ST8SIA3: variants seen among roughly 807,000 people sequenced by gnomAD.
ST8SIA3 encodes the protein alpha-N-acetylneuraminate alpha-2,8-sialyltransferase ST8SIA3.
A neutral mutation model predicts 34.5 loss-of-function variants in ST8SIA3; 17 were observed. That is an observed-to-expected ratio of 0.49 (90% CI 0.34 to 0.74). The LOEUF (loss-of-function observed/expected upper bound fraction) is 0.74. ST8SIA3 is among the 30% of genes least tolerant of loss of function. The probability of loss-of-function intolerance (pLI) is 0.01; values close to 1 mark genes in which losing one functional copy is unlikely to be tolerated. For missense variants in ST8SIA3, 354 were observed against 467.8 expected (o/e 0.76, Z 2.24); for synonymous variants, 172 against 176.1 (o/e 0.98, Z 0.19).
At chr18:57,358,900 A>T (rs2144204794) in intron 3 of ST8SIA3, among the ~76,000 whole-genome samples, 1 of 152,332 alleles carries the variant, frequency 6.6e-6, no homozygotes, top group Non-Finnish European at 1.5e-5. Context: ...TGTCAGAGTC[A>T]TTCTAGTTCC....
intron 1 of ST8SIA3, among the ~76,000 whole-genome samples, 165 bp from the exon 2 acceptor site, chr18:57,354,237 G>GGT (rs1054550526): frequency 1.3e-5 from 2 of 152,158 alleles, no homozygotes; most frequent in African/African-American, 4.8e-5. Context: ...TTTTCTCTCG[G>GGT]GTGTGTGTGG....
Position 57,364,146 on chromosome 18 carries a change from C to T in ST8SIA3, c.*3869C>T, listed in dbSNP as rs979722927. ...CTTCTCCCTGAGATGAAACAAAACACGCTTGGTAAATCATGATTTGATAAA... is the reference window on the plus strand; with the variant it reads ...CTTCTCCCTGAGATGAAACAAAACATGCTTGGTAAATCATGATTTGATAAA... On this transcript the variant is annotated 3_prime_UTR_variant, in exon 4 of 4. Transcript: ENST00000324000. 10 of 152,168 alleles carry T rather than the reference C, an allele frequency of 6.6e-5. No individual in the cohort carries two copies. The highest frequency in any genetic ancestry group is 2.2e-4 in the African/African-American group (9 of 41,442). 9.4% of individuals were successfully genotyped at this position (152,168 alleles called of 1,614,324 possible). A position where few individuals can be genotyped will look rare whatever the true frequency, so the allele number is the denominator to read the frequency against.
chr18:57,356,601 T>C (rs1262922587), intron 2 of ST8SIA3, among the ~76,000 whole-genome samples: 1 of 152,182 alleles, frequency 6.6e-6, no homozygotes, highest in Non-Finnish European at 1.5e-5. Context: ...TCTGACACAA[T>C]TTGCCCTATA....
chr18:57,358,246 T>C (rs1153631), intron 3 of ST8SIA3, among the ~76,000 whole-genome samples: 24,424 of 152,168 alleles, frequency 0.16, 2,184 homozygotes, highest in African/African-American at 0.22. Flanking sequence ...GAACCACTAG[T>C]CCAGGGCATT....
rs2049839802 is a variant in ST8SIA3 at position 57,362,901 on chromosome 18, TAGAA to T, written c.*2627_*2630del. The T allele has an allele frequency of 6.6e-6, 1 of 152,268 alleles. No individual in the cohort carries two copies. The highest frequency in any genetic ancestry group is 1.5e-5 in the Non-Finnish European group (1 of 68,074). The allele number at this position is 152,268 out of a possible 1,614,324, so 9.4% of individuals were successfully genotyped here. On this transcript the variant is annotated 3_prime_UTR_variant, in exon 4 of 4. Transcript: ENST00000324000. ...GTTGTTGTGTCCCAAGTGTCCTAAT[TAGAA>T]AGGCAGCTGGCTCTCCTGCAGCTCC...
rs1199475805 is a variant in ST8SIA3, at chr18:57,366,050, C to CT, written c.*5775dup. ...ATCTCAGCCAATTTCAGGCTACTAA[C>CT]TTAATGTCAACCAGCTGAAAACACA... On this transcript the variant is annotated 3_prime_UTR_variant, in exon 4 of 4. Coordinates refer to ENST00000324000, the MANE Select transcript of ST8SIA3 (RefSeq NM_015879.3). 1.3e-5 allele frequency: 2 copies of CT among 152,306 alleles called. No homozygotes were observed. The highest frequency in any genetic ancestry group is 2.9e-5 in the Non-Finnish European group (2 of 68,026). The allele number at this position is 152,306 out of a possible 1,614,324, so 9.4% of individuals were successfully genotyped here.
Position 57,367,186 on chromosome 18 carries a change from TATA to T in ST8SIA3, c.*6914_*6916del, listed in dbSNP as rs2049865518. On this transcript the variant is annotated 3_prime_UTR_variant, in exon 4 of 4. Transcript: ENST00000324000. Reference sequence around the variant, plus strand: ...GAAGGACCAAATCTACTTCCGTTGCTATAATAAAATACCCTACAGGTTCTGTAA... The same window carrying T: ...GAAGGACCAAATCTACTTCCGTTGCTATAAAATACCCTACAGGTTCTGTAA... The T allele has an allele frequency of 6.6e-6, 1 of 152,254 alleles. No individual in the cohort carries two copies. The highest frequency in any genetic ancestry group is 2.4e-5 in the African/African-American group (1 of 41,472). The allele number at this position is 152,254 out of a possible 1,614,324, so 9.4% of individuals were successfully genotyped here. A position where few individuals can be genotyped will look rare whatever the true frequency, so the allele number is the denominator to read the frequency against.
chr18:57,359,537 A>ACCT (rs2049817643), intron 3 of ST8SIA3, among the ~76,000 whole-genome samples: 2 of 151,888 alleles, frequency 1.3e-5, no homozygotes, highest in Admixed American at 1.3e-4. Context: ...AGATTAAATG[A>ACCT]CCTCCTTCAC....
Position 57,364,098 on chromosome 18 carries a change from A to T in ST8SIA3, c.*3821A>T, listed in dbSNP as rs1480990529. On this transcript the variant is annotated 3_prime_UTR_variant, in exon 4 of 4. Coordinates refer to ENST00000324000, the MANE Select transcript of ST8SIA3 (RefSeq NM_015879.3). ...AAGGAGATGCTTGTGTGGGTATGCA[A>T]CTGTCCACCAATTATCACCTACCTT... The T allele has an allele frequency of 6.6e-6, 1 of 152,214 alleles. No individual in the cohort carries two copies. The highest frequency in any genetic ancestry group is 1.5e-5 in the Non-Finnish European group (1 of 68,030). The allele number at this position is 152,214 out of a possible 1,614,324, so 9.4% of individuals were successfully genotyped here.
rs1258524218 is a variant in ST8SIA3 at position 57,352,730 on chromosome 18, GCTCA to G, written c.-115_-112del. On this transcript the variant is annotated 5_prime_UTR_variant, in exon 1 of 4. Transcript: ENST00000324000. ...CCCCTCCTCCGCCACACGCGCGCGC[GCTCA>G]CACACACACACACACACACACACAC... The G allele has an allele frequency of 5.6e-6, 1 of 179,724 alleles. No homozygotes were observed. The highest frequency in any genetic ancestry group is 1.0e-5 in the Non-Finnish European group (1 of 97,050). The allele number at this position is 179,724 out of a possible 1,614,324, so 11.1% of individuals were successfully genotyped here. A position where few individuals can be genotyped will look rare whatever the true frequency, so the allele number is the denominator to read the frequency against.
At chr18:57,353,421 C>T (rs2049777278) in intron 1 of ST8SIA3, among the ~76,000 whole-genome samples, 1 of 152,134 alleles carries the variant, frequency 6.6e-6, no homozygotes, top group African/African-American at 2.4e-5. Flanking sequence ...TCCGCAGACT[C>T]CGCGGGCCGG....
Position 57,354,502 on chromosome 18 carries a change from C to G in ST8SIA3, c.280C>G (p.Arg94Gly), listed in dbSNP as rs1303729686. The change falls in exon 2 of 4, where the codon CGG (arginine) becomes GGG (glycine). Residue 94 changes from arginine (R) to glycine (G), a missense_variant. By Grantham distance (125) the Arg-to-Gly change is moderately radical. Transcript: ENST00000324000. The part of the protein sequence containing the change: ...QEKPSKWKFN[R>G]TAFLHQRQEI... ...GAAACCTTCTAAGTGGAAATTTAAT[C>G]GGACAGCGTTTTTACATCAAAGGTA... 2 of 1,614,078 alleles carry G rather than the reference C, an allele frequency of 1.2e-6. No individual in the cohort carries two copies. Among genetic ancestry groups the G allele is most frequent in the South Asian group, 1.1e-5 (1 of 91,060 alleles).
Position 57,364,150 on chromosome 18 carries a change from T to G in ST8SIA3, c.*3873T>G, listed in dbSNP as rs1019402307. ...TCCCTGAGATGAAACAAAACACGCTTGGTAAATCATGATTTGATAAATAAC... is the reference window on the plus strand; with the variant it reads ...TCCCTGAGATGAAACAAAACACGCTGGGTAAATCATGATTTGATAAATAAC... On this transcript the variant is annotated 3_prime_UTR_variant, in exon 4 of 4. Transcript: ENST00000324000. 1 of 152,210 alleles carries G rather than the reference T, an allele frequency of 6.6e-6. No individual in the cohort carries two copies. The highest frequency in any genetic ancestry group is 1.5e-5 in the Non-Finnish European group (1 of 68,042). The allele number at this position is 152,210 out of a possible 1,614,324, so 9.4% of individuals were successfully genotyped here. A position where few individuals can be genotyped will look rare whatever the true frequency, so the allele number is the denominator to read the frequency against.
At position 57,367,506 on chromosome 18, in the gene ST8SIA3, T is replaced by G. The variant is rs2049867296; in HGVS notation, c.*7229T>G. ...CTACAAGCACAAGGGGCTTGACAGGTAGGCCTTGTTTTATTATGAACAAAT... is the reference window on the plus strand; with the variant it reads ...CTACAAGCACAAGGGGCTTGACAGGGAGGCCTTGTTTTATTATGAACAAAT... On this transcript the variant is annotated 3_prime_UTR_variant, in exon 4 of 4. Coordinates refer to ENST00000324000, the MANE Select transcript of ST8SIA3 (RefSeq NM_015879.3). 6.6e-6 allele frequency: 1 copy of G among 152,632 alleles called. No homozygotes were observed. The highest frequency in any genetic ancestry group is 6.5e-5 in the Admixed American group (1 of 15,276). The allele number at this position is 152,632 out of a possible 1,614,324, so 9.5% of individuals were successfully genotyped here. A position where few individuals can be genotyped will look rare whatever the true frequency, so the allele number is the denominator to read the frequency against.
rs1344787476 is a variant in ST8SIA3, at chr18:57,364,858, T to C, written c.*4581T>C. ...TATTGTATTATATATTGTCATCTTA[T>C]GCAGTATTTCTGAAAATTTATTTTT... On this transcript the variant is annotated 3_prime_UTR_variant, in exon 4 of 4. Transcript: ENST00000324000. The C allele has an allele frequency of 2.0e-5, 3 of 147,538 alleles. No individual in the cohort carries two copies. In the East Asian group the frequency reaches 5.8e-4, roughly 28 times the overall value. The allele number at this position is 147,538 out of a possible 1,614,324, so 9.1% of individuals were successfully genotyped here.
At chr18:57,359,128 G>C (rs1018547264) in intron 3 of ST8SIA3, among the ~76,000 whole-genome samples, 2 of 152,132 alleles carry the variant, frequency 1.3e-5, no homozygotes, top group African/African-American at 4.8e-5. Flanking sequence ...ATGAAAACGG[G>C]AAGGAAATAC....
Position 57,352,906 on chromosome 18 carries a change from C to T in ST8SIA3, c.60C>T (p.Val20=), listed in dbSNP as rs117278015. 3,510 of 1,613,760 alleles carry T rather than the reference C, an allele frequency of 2.2e-3. 4 individuals carry two copies. The highest frequency in any genetic ancestry group is 2.8e-3 in the Non-Finnish European group (3,287 of 1,179,970). ...TGCTGGGGCTGGTCATGCTCAGCGT[C>T]GCCCTGCTGATTTTATCGCTCATCA... is the stretch of plus-strand genomic sequence containing the variant. The part of the protein sequence containing the change: ...ASVLGLVMLS[V]ALLILSLISY... Residue 20 remains valine (V), a synonymous_variant, in exon 1 of 4, where the codon GTC becomes GTT. Transcript: ENST00000324000.
Position 57,360,217 on chromosome 18 carries a change from G to A in ST8SIA3, c.1083G>A (p.Gln361=). 1 of 1,614,084 alleles carries A rather than the reference G, an allele frequency of 6.2e-7. No homozygotes were observed. Among genetic ancestry groups the A allele is most frequent in the South Asian group, 1.1e-5 (1 of 91,082 alleles). The part of the protein sequence containing the change: ...QESHQLPAEF[Q]LLYRMHGEGL... ...CCCACCAGCTGCCTGCTGAGTTTCA[G>A]CTGCTGTACCGAATGCATGGGGAAG... The change falls in exon 4 of 4, where the codon CAG becomes CAA. Residue 361 remains glutamine (Q), a synonymous_variant. Coordinates refer to ENST00000324000, the MANE Select transcript of ST8SIA3 (RefSeq NM_015879.3).
Position 57,365,021 on chromosome 18 carries a change from G to A in ST8SIA3, c.*4744G>A, listed in dbSNP as rs961585640. 1 of 152,140 alleles carries A rather than the reference G, an allele frequency of 6.6e-6. No homozygotes were observed. The highest frequency in any genetic ancestry group is 2.4e-5 in the African/African-American group (1 of 41,426). The allele number at this position is 152,140 out of a possible 1,614,324, so 9.4% of individuals were successfully genotyped here. ...TGACTTCAGTTTAAGGTTACCCTGGGGTTCTGGGGTTAGGACCCGGATTAT... is the reference window on the plus strand; with the variant it reads ...TGACTTCAGTTTAAGGTTACCCTGGAGTTCTGGGGTTAGGACCCGGATTAT... On this transcript the variant is annotated 3_prime_UTR_variant, in exon 4 of 4. Coordinates refer to ENST00000324000, the MANE Select transcript of ST8SIA3 (RefSeq NM_015879.3).
Sources: allele counts gnomAD v4.1 joint callset (sites outside exome capture counted in the v4.1 genomes callset), GRCh38; gene constraint gnomAD v4.1.1; transcripts MANE v1.5; gene names NCBI Gene and HGNC (gene_info 2026-07-23, HGNC 2026-07-21).